The following BAMBI variants were observed in gnomAD, a reference collection of about 807,000 sequenced individuals.
BAMBI encodes the protein BMP and activin membrane bound inhibitor, also known as BMP and activin membrane-bound inhibitor homolog.
A neutral mutation model predicts 24.1 loss-of-function variants in BAMBI; 21 were observed. The observed-to-expected ratio is 0.87, with a 90% confidence interval of 0.62 to 1.26. BAMBI has a LOEUF of 1.26. BAMBI is among the 50% of genes most tolerant of loss of function. BAMBI has a pLI of 0.00. For missense variants in BAMBI, 388 were observed against 329.1 expected, an observed-to-expected ratio of 1.18 and a Z score of -1.38; for synonymous variants, 156 against 123.1, an observed-to-expected ratio of 1.27 and a Z score of -1.77.
At position 28,682,639 on chromosome 10, in the gene BAMBI, G is replaced by T. The variant is rs546717065; in HGVS notation, c.*238G>T. 6 of 409,862 alleles carry T rather than the reference G, an allele frequency of 1.5e-5. No individual in the cohort carries two copies. The highest frequency in any genetic ancestry group is 6.6e-4 in the Middle Eastern group (1 of 1,524). 25.4% of individuals were successfully genotyped at this position (409,862 alleles called of 1,614,324 possible). On this transcript the variant is annotated 3_prime_UTR_variant, in exon 3 of 3. Coordinates refer to ENST00000375533, the MANE Select transcript of BAMBI (RefSeq NM_012342.3). The stretch of plus-strand genomic sequence containing the variant: ...GCAAAGAGAAGACTTTGTACACACT[G>T]TCACCAGGGTTATTTGCATCCAAGG...
chr10:28,677,523 GC>G lies in BAMBI; in HGVS notation c.-374del, dbSNP rs1360338347. 6.3e-6 allele frequency: 1 copy of G among 158,570 alleles called. No homozygotes were observed. Among genetic ancestry groups the G allele is most frequent in the African/African-American group, 2.4e-5 (1 of 41,622 alleles). 9.8% of individuals were successfully genotyped at this position (158,570 alleles called of 1,614,324 possible). ...ACGGCGCGGAGCCGGAGAGACCTGG[GC>G]TGGCGCGGGCGGGAGCTGCGGCGGA... On this transcript the variant is annotated 5_prime_UTR_variant, in exon 1 of 3. Coordinates refer to ENST00000375533, the MANE Select transcript of BAMBI (RefSeq NM_012342.3).
chr10:28,682,200 G>GCACTACAGCTTT lies in BAMBI; in HGVS notation c.586_597dup (p.Tyr196_His199dup), dbSNP rs746602206. 27 of 1,614,066 alleles carry GCACTACAGCTTT rather than the reference G, an allele frequency of 1.7e-5. No homozygotes were observed. Among genetic ancestry groups the GCACTACAGCTTT allele is most frequent in the Non-Finnish European group, 2.1e-5 (25 of 1,180,042 alleles). ...AGCGGCAACAGATGCTCTCCCGTTT[G>GCACTACAGCTTT]CACTACAGCTTTCACGGACACCATT... On this transcript the variant is annotated inframe_insertion, in exon 3 of 3. Transcript: ENST00000375533.
In BAMBI at chr10:28,681,962, AT is replaced by A. The variant is rs750605053; in HGVS notation, c.365-17del. On this transcript the variant is annotated intron_variant, in intron 2 of 2. Transcript: ENST00000375533. Reference sequence around the variant, plus strand: ...GGAGGAGTTAGCATGGAGTTTGATCATTTTCTTTGTACTCCTTTAGGACAAG... The same window carrying A: ...GGAGGAGTTAGCATGGAGTTTGATCATTTCTTTGTACTCCTTTAGGACAAG... 6.3e-7 allele frequency: 1 copy of A among 1,586,490 alleles called. No individual in the cohort carries two copies. Among genetic ancestry groups the A allele is most frequent in the Non-Finnish European group, 8.6e-7 (1 of 1,162,532 alleles).
rs537169186 is a variant in BAMBI at position 28,681,200 on chromosome 10, A to G, written c.77-58A>G. On this transcript the variant is annotated intron_variant, in intron 1 of 2. Transcript: ENST00000375533. ...AATTTGGGATTTAGCAGTTGCCTAA[A>G]TAGTTGCTTTATCTGGTCTCTGGAG... 1.9e-4 allele frequency: 288 copies of G among 1,555,950 alleles called. 5 individuals carry two copies. The South Asian group carries it at 3.3e-3, about 18-fold the overall frequency.
chr10:28,679,712 T>C (rs569760811), intron 1 of BAMBI, among the ~76,000 whole-genome samples: 30 of 152,346 alleles, frequency 2.0e-4, no homozygotes, highest in African/African-American at 7.2e-4. Context: ...ATCTGTTTTA[T>C]TTATACTTTA....
In BAMBI at chr10:28,682,622, A is replaced by T. The variant is rs144134867; in HGVS notation, c.*221A>T. 1,905 of 503,132 alleles carry T rather than the reference A, an allele frequency of 3.8e-3. 5 individuals are homozygous for T. The highest frequency in any genetic ancestry group is 5.4e-3 in the Non-Finnish European group (1,560 of 290,564). The allele number at this position is 503,132 out of a possible 1,614,324, so 31.2% of individuals were successfully genotyped here. The stretch of plus-strand genomic sequence containing the variant: ...TTTTAAAATTATAAAAAGCAAAGAG[A>T]AGACTTTGTACACACTGTCACCAGG... On this transcript the variant is annotated 3_prime_UTR_variant, in exon 3 of 3. Coordinates refer to ENST00000375533, the MANE Select transcript of BAMBI (RefSeq NM_012342.3).
At position 28,681,626 on chromosome 10, in the gene BAMBI, G is replaced by A. The variant is rs1834498962; in HGVS notation, c.364+81G>A. ...GCCACGACTTTGTATGTCTGCTATT[G>A]ATTTTGTTGTTAATGTAATTAGAGA... On this transcript the variant is annotated intron_variant, in intron 2 of 2. Transcript: ENST00000375533. The A allele has an allele frequency of 3.4e-6, 5 of 1,451,972 alleles. No individual in the cohort carries two copies. The South Asian group carries it at 6.3e-5, about 18-fold the overall frequency. The allele number at this position is 1,451,972 out of a possible 1,614,324, so 89.9% of individuals were successfully genotyped here.
rs935147589 is a variant in BAMBI at position 28,677,785 on chromosome 10, G to T, written c.-113G>T. ...CCCGAAACCCAGCCCCGCCGCTGAC[G>T]GCGCCCGCCGCTCCGGGCAGGGCCC... On this transcript the variant is annotated 5_prime_UTR_variant, in exon 1 of 3. Transcript: ENST00000375533. 1 of 672,934 alleles carries T rather than the reference G, an allele frequency of 1.5e-6. No individual in the cohort carries two copies. Among genetic ancestry groups the T allele is most frequent in the Non-Finnish European group, 2.0e-6 (1 of 495,460 alleles). The allele number at this position is 672,934 out of a possible 1,614,324, so 41.7% of individuals were successfully genotyped here.
At position 28,682,531 on chromosome 10, in the gene BAMBI, A is replaced by T; in HGVS notation, c.*130A>T. 1 of 772,194 alleles carries T rather than the reference A, an allele frequency of 1.3e-6. No homozygotes were observed. Among genetic ancestry groups the T allele is most frequent in the South Asian group, 2.0e-5 (1 of 49,404 alleles). 47.8% of individuals were successfully genotyped at this position (772,194 alleles called of 1,614,324 possible). A position where few individuals can be genotyped will look rare whatever the true frequency, so the allele number is the denominator to read the frequency against. ...GAGACAAAATGACCTCTGCAAACAG[A>T]ATCTTGGATATTTCTTCTGAAGGAT... On this transcript the variant is annotated 3_prime_UTR_variant, in exon 3 of 3. Coordinates refer to ENST00000375533, the MANE Select transcript of BAMBI (RefSeq NM_012342.3).
At chr10:28,681,882 C>T (rs1834501600) in intron 2 of BAMBI, 101 bp from the exon 3 acceptor site, 1 of 1,192,574 alleles carries the variant, frequency 8.4e-7, no homozygotes, top group Non-Finnish European at 1.2e-6. Flanking sequence ...TAATTGTAAG[C>T]TTCTTTTTAA....
rs1460831403 is a variant in BAMBI at position 28,677,779 on chromosome 10, G to C, written c.-119G>C. ...CAGCGGCCCGAAACCCAGCCCCGCC[G>C]CTGACGGCGCCCGCCGCTCCGGGCA... On this transcript the variant is annotated 5_prime_UTR_variant, in exon 1 of 3. Transcript: ENST00000375533. 1 of 614,806 alleles carries C rather than the reference G, an allele frequency of 1.6e-6. No homozygotes were observed. The highest frequency in any genetic ancestry group is 2.3e-6 in the Non-Finnish European group (1 of 444,272). 38.1% of individuals were successfully genotyped at this position (614,806 alleles called of 1,614,324 possible).
In BAMBI at chr10:28,682,264, A is replaced by G; in HGVS notation, c.646A>G (p.Met216Val). The change falls in exon 3 of 3, where the codon ATG becomes GTG. Residue 216 changes from methionine to valine, a missense_variant. By Grantham distance (21) the Met-to-Val change is conservative (BLOSUM62 1). Transcript: ENST00000375533. ...GGTTGCAAAGTTAGACTTGGAATGCATGGTGCCGGTCAGTGGGCACGAGAA... is the reference window on the plus strand; with the variant it reads ...GGTTGCAAAGTTAGACTTGGAATGCGTGGTGCCGGTCAGTGGGCACGAGAA... ...GQVAKLDLEC[M>V]VPVSGHENCC... 2 of 1,614,162 alleles carry G rather than the reference A, an allele frequency of 1.2e-6. No individual in the cohort carries two copies. The highest frequency in any genetic ancestry group is 2.2e-5 in the South Asian group (2 of 91,082).
chr10:28,679,772 G>A (rs1411626935), intron 1 of BAMBI, among the ~76,000 whole-genome samples: 2 of 152,202 alleles, frequency 1.3e-5, no homozygotes, highest in Non-Finnish European at 1.5e-5. Context: ...CATCACCCCA[G>A]AAGACTGGTG....
At chr10:28,680,555 C>CAAA (rs1361864217) in intron 1 of BAMBI, among the ~76,000 whole-genome samples, 1 of 152,128 alleles carries the variant, frequency 6.6e-6, no homozygotes. Context: ...CTCCCCCCAC[C>CAAA]TTTTATGACT....
At position 28,677,810 on chromosome 10, in the gene BAMBI, C is replaced by G. The variant is rs900503558; in HGVS notation, c.-88C>G. ...GGCGCCCGCCGCTCCGGGCAGGGCC[C>G]ATGCCCTGCGCGCTCCGGGGGTCGT... On this transcript the variant is annotated 5_prime_UTR_variant, in exon 1 of 3. Coordinates refer to ENST00000375533, the MANE Select transcript of BAMBI (RefSeq NM_012342.3). 9.3e-7 allele frequency: 1 copy of G among 1,078,882 alleles called. No individual in the cohort carries two copies. Among genetic ancestry groups the G allele is most frequent in the Non-Finnish European group, 1.2e-6 (1 of 807,730 alleles). 66.8% of individuals were successfully genotyped at this position (1,078,882 alleles called of 1,614,324 possible).
intron 2 of BAMBI, 73 bp downstream of exon 2, chr10:28,681,618 C>A: frequency 2.7e-6 from 4 of 1,483,582 alleles, no homozygotes; most frequent in Admixed American, 1.8e-5. Flanking sequence ...CTTTGTATGT[C>A]TGCTATTGAT....
In BAMBI at chr10:28,682,629, T is replaced by G. The variant is rs1834512471; in HGVS notation, c.*228T>G. ...ATTATAAAAAGCAAAGAGAAGACTT[T>G]GTACACACTGTCACCAGGGTTATTT... On this transcript the variant is annotated 3_prime_UTR_variant, in exon 3 of 3. Coordinates refer to ENST00000375533, the MANE Select transcript of BAMBI (RefSeq NM_012342.3). The G allele has an allele frequency of 8.7e-6, 4 of 458,316 alleles. No homozygotes were observed. In the South Asian group the frequency reaches 2.0e-4, roughly 23 times the overall value. The allele number at this position is 458,316 out of a possible 1,614,324, so 28.4% of individuals were successfully genotyped here. A position where few individuals can be genotyped will look rare whatever the true frequency, so the allele number is the denominator to read the frequency against.
chr10:28,678,437 GA>G (rs1349656894), intron 1 of BAMBI, among the ~76,000 whole-genome samples: 1 of 152,232 alleles, frequency 6.6e-6, no homozygotes, highest in Non-Finnish European at 1.5e-5. Context: ...TTGTGTTTCT[GA>G]AAGTGTGTCT....
chr10:28,678,663 GTACAT>G (rs1275296272), intron 1 of BAMBI, among the ~76,000 whole-genome samples: 1 of 151,972 alleles, frequency 6.6e-6, no homozygotes, highest in Non-Finnish European at 1.5e-5. Context: ...GTGTCTCTGC[GTACAT>G]CTCTCTGTGT....
Sources: allele counts gnomAD v4.1 joint callset (sites outside exome capture counted in the v4.1 genomes callset), GRCh38; gene constraint gnomAD v4.1.1; transcripts MANE v1.5; gene names NCBI Gene and HGNC (gene_info 2026-07-23, HGNC 2026-07-21).